Variants in CCNYL1 observed in about 807,000 individuals in gnomAD.
The protein encoded by CCNYL1 is cyclin-Y-like protein 1.
CCNYL1 carries 16 observed loss-of-function variants against 44.2 expected under a neutral mutation model. The ratio of observed to expected loss-of-function variants is 0.36; its 90% CI spans 0.25 to 0.55. The LOEUF (loss-of-function observed/expected upper bound fraction) is 0.55, where lower values mean the gene tolerates loss of function less well. CCNYL1 is among the 20% of genes least tolerant of loss of function. The pLI is 0.85. For synonymous variants in CCNYL1, 159 were observed against 163.2 expected, an observed-to-expected ratio of 0.97 and a Z score of 0.20; for missense variants, 348 against 451.8, an observed-to-expected ratio of 0.77 and a Z score of 2.08.
intron 3 of CCNYL1, among the ~76,000 whole-genome samples, chr2:207,727,269 A>G (rs2091687117): frequency 1.3e-5 from 2 of 151,980 alleles, no homozygotes; most frequent in African/African-American, 4.8e-5. Context: ...CCGTGACCTT[A>G]TTTTCTTCCC....
At chr2:207,714,376 C>T (rs1028953100) in intron 1 of CCNYL1, 2 of 407,146 alleles carry the variant, frequency 4.9e-6, no homozygotes, top group East Asian at 1.5e-4. Context: ...AGGCTGGCCT[C>T]GAACTCCTGG....
intron 3 of CCNYL1, among the ~76,000 whole-genome samples, chr2:207,729,560 G>A (rs1182374283): frequency 2.0e-5 from 3 of 152,200 alleles, no homozygotes; most frequent in African/African-American, 4.8e-5. Context: ...CTTACTGCAA[G>A]GACATTGGAG....
intron 2 of CCNYL1, 43 bp from the exon 3 acceptor site, chr2:207,726,799 G>A (rs77591925): frequency 0.063 from 86,407 of 1,367,774 alleles, 3,165 homozygotes; most frequent in Middle Eastern, 0.083. Flanking sequence ...TTATACTGTG[G>A]CATTTGTATC....
intron 4 of CCNYL1, among the ~76,000 whole-genome samples, chr2:207,735,669 C>T (rs1323340938): frequency 6.6e-6 from 1 of 152,136 alleles, no homozygotes; most frequent in Non-Finnish European, 1.5e-5. Flanking sequence ...AGTTTGAGAC[C>T]AGCCTGGGCA....
intron 7 of CCNYL1, among the ~76,000 whole-genome samples, chr2:207,745,179 C>T (rs987321775): frequency 3.3e-5 from 5 of 152,026 alleles, no homozygotes; most frequent in Non-Finnish European, 4.4e-5. Flanking sequence ...AGGACACATC[C>T]GGGGAGTTGT....
At chr2:207,724,611 G>A (rs535623972) in intron 1 of CCNYL1, among the ~76,000 whole-genome samples, 189 bp from the exon 2 acceptor site, 3 of 152,284 alleles carry the variant, frequency 2.0e-5, no homozygotes, top group South Asian at 4.1e-4. Context: ...TTTGTTCCAC[G>A]TGTGTGGAGA....
chr2:207,748,979 TATTATGAAC>T (rs1365402342), intron 8 of CCNYL1, among the ~76,000 whole-genome samples: 1 of 152,234 alleles, frequency 6.6e-6, no homozygotes, highest in African/African-American at 2.4e-5. Flanking sequence ...CAAAATTTAT[TATTATGAAC>T]ACTTAGCCCT....
intron 4 of CCNYL1, 64 bp from the exon 5 acceptor site, chr2:207,737,347 A>G (rs1482682497): frequency 9.4e-6 from 12 of 1,274,976 alleles, no homozygotes; most frequent in South Asian, 1.3e-5. Context: ...CATTTAAAAA[A>G]TGTCTTCAGG....
At chr2:207,732,410 A>G (rs184001407) in intron 3 of CCNYL1, among the ~76,000 whole-genome samples, 1 of 152,272 alleles carries the variant, frequency 6.6e-6, no homozygotes, top group African/African-American at 2.4e-5. Context: ...ATGCTGTTAC[A>G]CTGTATGGAT....
chr2:207,711,673 C>G lies in CCNYL1; in HGVS notation c.-224C>G, dbSNP rs1446676057. On this transcript the variant is annotated 5_prime_UTR_variant, in exon 1 of 10. Coordinates refer to ENST00000295414, the MANE Select transcript of CCNYL1 (RefSeq NM_001330218.2). ...GTCAGCTTAAGGGAGGCGGCGGCAG[C>G]GCGGCGGTGGGGGTGCGGCCGAGGC... 1 of 154,542 alleles carries G rather than the reference C, an allele frequency of 6.5e-6. No individual in the cohort carries two copies. The highest frequency in any genetic ancestry group is 1.4e-5 in the Non-Finnish European group (1 of 70,194). The allele number at this position is 154,542 out of a possible 1,614,324, so 9.6% of individuals were successfully genotyped here. A position where few individuals can be genotyped will look rare whatever the true frequency, so the allele number is the denominator to read the frequency against.
chr2:207,724,512 G>A (rs139598874), intron 1 of CCNYL1, among the ~76,000 whole-genome samples: 49 of 152,296 alleles, frequency 3.2e-4, no homozygotes, highest in Non-Finnish European at 4.7e-4. Flanking sequence ...TAAGTTGAAG[G>A]AGGAGGACAT....
intron 5 of CCNYL1, among the ~76,000 whole-genome samples, chr2:207,738,742 C>T (rs2091785119): frequency 6.7e-6 from 1 of 150,044 alleles, no homozygotes; most frequent in South Asian, 2.1e-4. Context: ...TTTTTTGAGA[C>T]AGAGTCTCAT....
At chr2:207,732,130 A>G (rs1370393760) in intron 3 of CCNYL1, among the ~76,000 whole-genome samples, 1 of 152,154 alleles carries the variant, frequency 6.6e-6, no homozygotes, top group Admixed American at 6.5e-5. Flanking sequence ...CTTTGAATGA[A>G]TGTATTTGAA....
At position 207,742,351 on chromosome 2, in the gene CCNYL1, T is replaced by C; in HGVS notation, c.639+9T>C. 3 of 1,607,690 alleles carry C rather than the reference T, an allele frequency of 1.9e-6. No homozygotes were observed. Among genetic ancestry groups the C allele is most frequent in the Non-Finnish European group, 2.5e-6 (3 of 1,177,278 alleles). ...GTGCAATAGTAACTTTGGTAAGATA[T>C]TTCTCATTTATAAAGTGTCTTTAGA... On this transcript the variant is annotated intron_variant, in intron 7 of 9. Transcript: ENST00000295414.
intron 2 of CCNYL1, 74 bp downstream of exon 2, chr2:207,724,948 A>T: frequency 8.4e-7 from 1 of 1,191,392 alleles, no homozygotes; most frequent in Non-Finnish European, 1.2e-6. Flanking sequence ...GTATTATAGA[A>T]GGTATTTAGA....
At chr2:207,724,975 T>G (rs1340859824) in intron 2 of CCNYL1, 101 bp downstream of exon 2, 5 of 909,534 alleles carry the variant, frequency 5.5e-6, no homozygotes, top group Non-Finnish European at 8.2e-6. Context: ...GATGTATTAG[T>G]TTAAAATTTT....
intron 1 of CCNYL1, among the ~76,000 whole-genome samples, chr2:207,713,365 G>A (rs2091568887): frequency 6.6e-6 from 1 of 152,124 alleles, no homozygotes; most frequent in African/African-American, 2.4e-5. Context: ...TGTTTCCGTG[G>A]TTCCCCTTCC....
chr2:207,732,517 G>C (rs1345107883), intron 3 of CCNYL1, among the ~76,000 whole-genome samples: 1 of 152,032 alleles, frequency 6.6e-6, no homozygotes, highest in African/African-American at 2.4e-5. Flanking sequence ...GTATATGTGT[G>C]GGATACTGAT....
chr2:207,748,275 A>T (rs779444545), intron 8 of CCNYL1, among the ~76,000 whole-genome samples: 4 of 152,106 alleles, frequency 2.6e-5, no homozygotes, highest in Admixed American at 6.6e-5. Context: ...GCATCATCCA[A>T]CGCTCACCAC....
Sources: gnomAD v4.1 joint callset for allele counts (sites outside exome capture counted in the v4.1 genomes callset) on GRCh38, gnomAD v4.1.1 for gene constraint, MANE v1.5 for transcripts, NCBI Gene and HGNC (gene_info 2026-07-23, HGNC 2026-07-21) for gene names.